ZSWIM3: variants seen among roughly 807,000 people sequenced by gnomAD.
The protein encoded by ZSWIM3 is zinc finger SWIM-type containing 3.
A neutral mutation model predicts 47.5 loss-of-function variants in ZSWIM3; 27 were observed. The ratio of observed to expected loss-of-function variants is 0.57; its 90% CI spans 0.42 to 0.78. The LOEUF (loss-of-function observed/expected upper bound fraction) is 0.78. Among genes scored for constraint, ZSWIM3 ranks in the 30% least tolerant of loss-of-function variants. The pLI is 0.00. For synonymous variants in ZSWIM3, 333 were observed against 333.9 expected, an observed-to-expected ratio of 1.00 and a Z score of 0.03; for missense variants, 689 against 861.3, an observed-to-expected ratio of 0.80 and a Z score of 2.50.
At position 45,877,356 on chromosome 20, in the gene ZSWIM3, G is replaced by T. The variant is rs780660086; in HGVS notation, c.798G>T (p.Leu266=). The part of the protein sequence containing the change: ...AETVTSVAKM[L]SIFTEFNSDW... ...CAGTCACCTCTGTGGCCAAGATGCT[G>T]AGCATCTTCACAGAGTTCAACTCCG... Residue 266 remains leucine, a synonymous_variant, in exon 2 of 2, where the codon CTG becomes CTT. Coordinates refer to ENST00000255152, the MANE Select transcript of ZSWIM3 (RefSeq NM_080752.4). The T allele has an allele frequency of 6.2e-7, 1 of 1,614,168 alleles. No homozygotes were observed. The highest frequency in any genetic ancestry group is 2.2e-5 in the East Asian group (1 of 44,880).
chr20:45,878,630 C>T lies in ZSWIM3; in HGVS notation c.2072C>T (p.Thr691Ile). The T allele has an allele frequency of 6.2e-7, 1 of 1,610,366 alleles. No homozygotes were observed. The stretch of plus-strand genomic sequence containing the variant: ...GAAGGGGAGGGATTCCCTCCTGCTA[C>T]AGCTGTGATGCATTATTGAAGCACT... ...QEEGEGFPPA[T>I]AVMHY The change falls in exon 2 of 2, where the codon ACA (threonine) becomes ATA (isoleucine). Residue 691 changes from threonine (T) to isoleucine (I), a missense_variant. By Grantham distance (89) the Thr-to-Ile change is moderately conservative. Transcript: ENST00000255152.
chr20:45,877,492 C>T lies in ZSWIM3; in HGVS notation c.934C>T (p.Arg312Ter), dbSNP rs367699895. 4 of 1,614,034 alleles carry T rather than the reference C, an allele frequency of 2.5e-6. No homozygotes were observed. Among genetic ancestry groups the T allele is most frequent in the South Asian group, 1.1e-5 (1 of 91,076 alleles). Residue 312 changes from arginine to a stop codon, truncating the protein, a stop_gained, in exon 2 of 2, where the codon CGA becomes TGA. Transcript: ENST00000255152. LOFTEE classifies it high-confidence loss of function. ...CCTCCTTTCCATCTACCACACAACC[C>T]GACTCTTGGAGAAGAAGTTGCATCG... ...RILLSIYHTT[R>*]LLEKKLHRSS... is the part of the protein sequence containing the mutation.
At chr20:45,860,823 A>G (rs989449460) in intron 1 of ZSWIM3, among the ~76,000 whole-genome samples, 2 of 152,202 alleles carry the variant, frequency 1.3e-5, no homozygotes, top group Admixed American at 6.5e-5. Context: ...CTCCTTTGCC[A>G]TGTAACCTAA....
intron 1 of ZSWIM3, chr20:45,872,658 T>C (rs1203282833): frequency 1.5e-5 from 18 of 1,222,246 alleles, no homozygotes; most frequent in African/African-American, 4.7e-5. Flanking sequence ...TTGTAGGCAT[T>C]TTGTCTTTCT....
Position 45,870,069 on chromosome 20 carries a change from G to A in ZSWIM3, c.156-6645G>A, listed in dbSNP as rs367683122. Among the ~76,000 whole-genome samples the A allele has an allele frequency of 1.5e-4, 20 of 130,182 alleles. 1 individual carries two copies. Among genetic ancestry groups the A allele is most frequent in the African/African-American group, 4.6e-4 (15 of 32,616 alleles). 85.4% of individuals were successfully genotyped at this position (130,182 alleles called of 152,430 possible). A position where few individuals can be genotyped will look rare whatever the true frequency, so the allele number is the denominator to read the frequency against. On this transcript the variant is annotated intron_variant, in intron 1 of 1. Transcript: ENST00000255152. ...AAGAAAAAAAAAAAAAAAAAGAAAA[G>A]GCCAAGCGTGGTGGCTGTAATCCTA... is the stretch of plus-strand genomic sequence containing the variant.
At chr20:45,858,536 C>T (rs1199033589) in intron 1 of ZSWIM3, among the ~76,000 whole-genome samples, 2 of 152,176 alleles carry the variant, frequency 1.3e-5, no homozygotes, top group Admixed American at 6.5e-5. Flanking sequence ...TGCACGCCAC[C>T]ATGCCTGGCT....
rs1303856870 is a variant in ZSWIM3, at chr20:45,857,900, G to A, written c.75G>A (p.Arg25=). 1 of 1,612,928 alleles carries A rather than the reference G, an allele frequency of 6.2e-7. No homozygotes were observed. The highest frequency in any genetic ancestry group is 1.3e-5 in the African/African-American group (1 of 74,632). The change falls in exon 1 of 2, where the codon AGG becomes AGA. Residue 25 remains arginine (R), a synonymous_variant. Transcript: ENST00000255152. ...TCAGCGCCTACAAAAGGGAGAACAG[G>A]TGCTCCTTCATTCTCAGGGACTGCG... ...ECFSAYKREN[R]CSFILRDCVS...
Position 45,878,041 on chromosome 20 carries a change from C to T in ZSWIM3, c.1483C>T (p.Leu495=). Residue 495 remains leucine, a synonymous_variant, in exon 2 of 2, where the codon CTG becomes TTG. Coordinates refer to ENST00000255152, the MANE Select transcript of ZSWIM3 (RefSeq NM_080752.4). ...AGTGCCGCCCTCGCAGGTTGGCATG[C>T]TGGACACCTTGCACCAGAGTGGCTC... ...SQVPPSQVGM[L]DTLHQSGSEL... is the part of the protein sequence containing the mutation. 1 of 1,614,204 alleles carries T rather than the reference C, an allele frequency of 6.2e-7. No individual in the cohort carries two copies. The highest frequency in any genetic ancestry group is 1.3e-5 in the African/African-American group (1 of 75,056).
At chr20:45,873,966 T>C (rs1210914691) in intron 1 of ZSWIM3, among the ~76,000 whole-genome samples, 1 of 152,234 alleles carries the variant, frequency 6.6e-6, no homozygotes, top group Non-Finnish European at 1.5e-5. Context: ...TCAATTTAAC[T>C]GCCGTTGTGT....
At chr20:45,862,769 G>A (rs768809628) in intron 1 of ZSWIM3, among the ~76,000 whole-genome samples, 2 of 152,206 alleles carry the variant, frequency 1.3e-5, no homozygotes, top group Non-Finnish European at 2.9e-5. Context: ...TGCGATTACA[G>A]CTGTGAGGTG....
intron 1 of ZSWIM3, among the ~76,000 whole-genome samples, chr20:45,865,724 G>A (rs775262514): frequency 1.1e-4 from 16 of 152,034 alleles, no homozygotes; most frequent in Non-Finnish European, 8.8e-5. Context: ...AGGGCTGGGC[G>A]TGGTGGCTCA....
chr20:45,857,800 C>T lies in ZSWIM3; in HGVS notation c.-26C>T, dbSNP rs779046642. The T allele has an allele frequency of 7.4e-6, 12 of 1,611,684 alleles. No individual in the cohort carries two copies. Among genetic ancestry groups the T allele is most frequent in the Non-Finnish European group, 1.0e-5 (12 of 1,178,496 alleles). On this transcript the variant is annotated 5_prime_UTR_variant, in exon 1 of 2. Coordinates refer to ENST00000255152, the MANE Select transcript of ZSWIM3 (RefSeq NM_080752.4). ...ATCTTGGGCCCGGGCTGGGACCAGC[C>T]CCTAGTGTGGGTTGTGGGGGCGGCC...
At chr20:45,866,921 A>G (rs1985857112) in intron 1 of ZSWIM3, among the ~76,000 whole-genome samples, 1 of 151,928 alleles carries the variant, frequency 6.6e-6, no homozygotes, top group African/African-American at 2.4e-5. Context: ...TTTGAAAGAG[A>G]GTCAAAGATA....
At chr20:45,858,700 G>C (rs556202360) in intron 1 of ZSWIM3, among the ~76,000 whole-genome samples, 1 of 152,168 alleles carries the variant, frequency 6.6e-6, no homozygotes, top group African/African-American at 2.4e-5. Flanking sequence ...AATGGTTTTT[G>C]AGCTCCTTAT....
At chr20:45,874,283 G>C (rs1366646937) in intron 1 of ZSWIM3, among the ~76,000 whole-genome samples, 2 of 152,176 alleles carry the variant, frequency 1.3e-5, no homozygotes, top group East Asian at 3.9e-4. Context: ...AGGCTGACGC[G>C]GGTGGATCAC....
rs1170689909 is a variant in ZSWIM3, at chr20:45,878,337, G to A, written c.1779G>A (p.Gly593=). ...RWQKKYQYLL[G]PNGELQDRGM... is the part of the protein sequence containing the mutation. Reference sequence around the variant, plus strand: ...AGAAGAAGTACCAGTACCTCCTTGGGCCCAATGGGGAGCTCCAGGATCGTG... The same window carrying A: ...AGAAGAAGTACCAGTACCTCCTTGGACCCAATGGGGAGCTCCAGGATCGTG... The change falls in exon 2 of 2, where the codon GGG becomes GGA. Residue 593 remains glycine (G), a synonymous_variant. Coordinates refer to ENST00000255152, the MANE Select transcript of ZSWIM3 (RefSeq NM_080752.4). The A allele has an allele frequency of 6.2e-7, 1 of 1,614,126 alleles. No homozygotes were observed. The highest frequency in any genetic ancestry group is 1.3e-5 in the African/African-American group (1 of 74,934).
At chr20:45,867,349 A>G (rs6130953) in intron 1 of ZSWIM3, among the ~76,000 whole-genome samples, 83,473 of 151,980 alleles carry the variant, frequency 0.55, 23,592 homozygotes, top group Admixed American at 0.63. Flanking sequence ...GTTGGAGATT[A>G]GTCAGATGCT....
Position 45,878,796 on chromosome 20 carries a change from A to G in ZSWIM3, c.*147A>G, listed in dbSNP as rs1195802081. The G allele has an allele frequency of 2.9e-6, 3 of 1,038,966 alleles. No homozygotes were observed. Among genetic ancestry groups the G allele is most frequent in the Non-Finnish European group, 4.0e-6 (3 of 741,970 alleles). 64.4% of individuals were successfully genotyped at this position (1,038,966 alleles called of 1,614,324 possible). ...TATTGTTACAGTAGAGAGGAAGGGA[A>G]CTCCACTGTGTGACAGTCCTTTCAA... is the stretch of plus-strand genomic sequence containing the variant. On this transcript the variant is annotated 3_prime_UTR_variant, in exon 2 of 2. Coordinates refer to ENST00000255152, the MANE Select transcript of ZSWIM3 (RefSeq NM_080752.4).
chr20:45,859,683 T>G (rs1428015949), intron 1 of ZSWIM3, among the ~76,000 whole-genome samples: 1 of 151,652 alleles, frequency 6.6e-6, no homozygotes, highest in East Asian at 1.9e-4. Context: ...GGATACCATG[T>G]TTGGCAGGAG....
Sources: gnomAD v4.1 joint callset for allele counts (sites outside exome capture counted in the v4.1 genomes callset) on GRCh38, gnomAD v4.1.1 for gene constraint, MANE v1.5 for transcripts, NCBI Gene and HGNC (gene_info 2026-07-23, HGNC 2026-07-21) for gene names.